The following CPA5 variants were observed in gnomAD, a reference collection of about 807,000 sequenced individuals.
CPA5 encodes testicular tissue protein Li 32.
In CPA5, 38 loss-of-function variants were observed where a neutral mutation model predicts 52.2. The ratio of observed to expected loss-of-function variants is 0.73; its 90% CI spans 0.56 to 0.95. CPA5 has a LOEUF of 0.95. Among genes scored for constraint, CPA5 ranks in the 40% least tolerant of loss-of-function variants. The pLI is 0.00. For missense variants in CPA5, 519 were observed against 566.7 expected, an observed-to-expected ratio of 0.92 and a Z score of 0.86; for synonymous variants, 198 against 213.7, an observed-to-expected ratio of 0.93 and a Z score of 0.64.
At chr7:130,347,135 G>A (rs904791141) in intron 3 of CPA5, among the ~76,000 whole-genome samples, 1 of 152,166 alleles carries the variant, frequency 6.6e-6, no homozygotes, top group Non-Finnish European at 1.5e-5. Flanking sequence ...TAGAGATGGG[G>A]TTCCTCACCC....
chr7:130,347,690 C>T (rs1408958272), intron 3 of CPA5, 76 bp from the exon 4 acceptor site: 18 of 1,288,694 alleles, frequency 1.4e-5, no homozygotes, highest in Non-Finnish European at 1.8e-5. Context: ...CTGCTCCACT[C>T]TGCCCCTTCC....
chr7:130,346,116 A>C (rs977454641), intron 2 of CPA5, among the ~76,000 whole-genome samples: 5 of 152,230 alleles, frequency 3.3e-5, no homozygotes, highest in Non-Finnish European at 5.9e-5. Context: ...GAAAGAGAAG[A>C]TGCTGTAGAG....
rs1795037512 is a variant in CPA5, at chr7:130,350,080, GC to G, written c.305del (p.Ala102ValfsTer5). 6.2e-7 allele frequency: 1 copy of G among 1,613,562 alleles called. No individual in the cohort carries two copies. The highest frequency in any genetic ancestry group is 8.5e-7 in the Non-Finnish European group (1 of 1,179,852). ...IKAYLESHGL[A>X]YSIMIKDIQV... ...AGCTTATCTGGAGTCTCATGGACTTGCTTACAGCATCATGATAAAGGACATC... is the reference window on the plus strand; with the variant it reads ...AGCTTATCTGGAGTCTCATGGACTTGTTACAGCATCATGATAAAGGACATC... On this transcript the variant is annotated frameshift_variant, in exon 5 of 13. Coordinates refer to ENST00000474905, the MANE Select transcript of CPA5 (RefSeq NM_080385.5). LOFTEE classifies it high-confidence loss of function.
At chr7:130,348,735 C>T (rs1382358270) in intron 4 of CPA5, among the ~76,000 whole-genome samples, 2 of 152,148 alleles carry the variant, frequency 1.3e-5, no homozygotes, top group Admixed American at 6.5e-5. Flanking sequence ...AACCTCAGTG[C>T]CTTGGGGATT....
chr7:130,367,843 T>TG (rs1432637043), intron 11 of CPA5, 63 bp from the exon 12 acceptor site: 10 of 1,369,406 alleles, frequency 7.3e-6, no homozygotes, highest in African/African-American at 1.4e-5. Context: ...CTGGTGAGGG[T>TG]GGGGGAGTGT....
At position 130,350,005 on chromosome 7, in the gene CPA5, A is replaced by G. The variant is rs1554403472; in HGVS notation, c.229A>G (p.Ser77Gly). The G allele has an allele frequency of 1.2e-6, 2 of 1,613,962 alleles. No homozygotes were observed. Among genetic ancestry groups the G allele is most frequent in the African/African-American group, 2.7e-5 (2 of 75,064 alleles). Residue 77 changes from serine to glycine, a missense_variant, in exon 5 of 13, where the codon AGC (serine) becomes GGC (glycine). Transcript: ENST00000474905. ...VDFWRGPARP[S>G]LPVDMRVPFS... ...CTTCTGGCGTGGCCCAGCCAGGCCC[A>G]GCCTCCCTGTGGATATGAGAGTTCC...
intron 10 of CPA5, among the ~76,000 whole-genome samples, chr7:130,364,904 G>C (rs1434975482): frequency 1.3e-5 from 2 of 152,194 alleles, no homozygotes; most frequent in African/African-American, 4.8e-5. Context: ...AGGACAATTT[G>C]ATGGGTCCAG....
chr7:130,347,874 A>AC (rs1794866744), intron 4 of CPA5, 27 bp downstream of exon 4: 1 of 1,573,292 alleles, frequency 6.4e-7, no homozygotes, highest in South Asian at 1.1e-5. Context: ...CTTGAGGACA[A>AC]CCCCACCCCC....
chr7:130,347,781 A>C lies in CPA5; in HGVS notation c.132A>C (p.Arg44=), dbSNP rs544315500. Residue 44 remains arginine (R), a synonymous_variant, in exon 4 of 13, where the codon CGA becomes CGC. Transcript: ENST00000474905. ...GTTTTTCTAGGGACCAGGTTCTTCGAGTCCTGGCCAAAGATGAGAAGCAGC... is the reference window on the plus strand; with the variant it reads ...GTTTTTCTAGGGACCAGGTTCTTCGCGTCCTGGCCAAAGATGAGAAGCAGC... ...QMNFTGDQVL[R]VLAKDEKQLS... 1 of 1,613,568 alleles carries C rather than the reference A, an allele frequency of 6.2e-7. No individual in the cohort carries two copies. The highest frequency in any genetic ancestry group is 2.2e-5 in the East Asian group (1 of 44,840).
At position 130,352,839 on chromosome 7, in the gene CPA5, G is replaced by GTT. The variant is rs1323770844; in HGVS notation, c.333+2740_333+2741dup. 3.2e-3 allele frequency among the ~76,000 whole-genome samples: 475 copies of GTT among 147,052 alleles called. 3 individuals are homozygous for GTT. The highest frequency in any genetic ancestry group is 0.011 in the African/African-American group (448 of 40,164). On this transcript the variant is annotated intron_variant, in intron 5 of 12. Transcript: ENST00000474905. ...TCACCTCGTTCTTTTCAGCCCTTTG[G>GTT]TTTTTTTTTTTATTTTTTCCCTAGG... is the stretch of plus-strand genomic sequence containing the variant.
chr7:130,352,136 G>T (rs1395536572), intron 5 of CPA5, among the ~76,000 whole-genome samples: 1 of 152,108 alleles, frequency 6.6e-6, no homozygotes, highest in Non-Finnish European at 1.5e-5. Flanking sequence ...GGAAAACCTC[G>T]ATGCTGGTTT....
chr7:130,367,728 T>A, intron 11 of CPA5, 157 bp downstream of exon 11: 1 of 861,014 alleles, frequency 1.2e-6, no homozygotes, highest in Non-Finnish European at 1.9e-6. Context: ...AGCTTGCTGT[T>A]CTCACGTGTG....
At chr7:130,348,244 C>T (rs553903243) in intron 4 of CPA5, among the ~76,000 whole-genome samples, 1 of 152,300 alleles carries the variant, frequency 6.6e-6, no homozygotes, top group East Asian at 1.9e-4. Flanking sequence ...CTTGGCAAAC[C>T]TGTATTTTAT....
chr7:130,371,570 T>G (rs1263708070), downstream of CPA5, among the ~76,000 whole-genome samples: 1 of 150,044 alleles, frequency 6.7e-6, no homozygotes, highest in Non-Finnish European at 1.5e-5. Flanking sequence ...CAGATGGAGG[T>G]CTTCTTTTTT....
rs1305113550 is a variant in CPA5, at chr7:130,368,069, C to T, written c.1123+79C>T. The T allele has an allele frequency of 5.9e-6, 8 of 1,352,756 alleles. No homozygotes were observed. In the African/African-American group the frequency reaches 7.2e-5, roughly 12 times the overall value. 83.8% of individuals were successfully genotyped at this position (1,352,756 alleles called of 1,614,324 possible). On this transcript the variant is annotated intron_variant, in intron 12 of 12. Coordinates refer to ENST00000474905, the MANE Select transcript of CPA5 (RefSeq NM_080385.5). Reference sequence around the variant, plus strand: ...CTGCAGGGCAGTGCCAAGGATCTAGCTGTGCTGGCCCAAAGCTGCCTCCCA... The same window carrying T: ...CTGCAGGGCAGTGCCAAGGATCTAGTTGTGCTGGCCCAAAGCTGCCTCCCA...
chr7:130,363,289 C>G, intron 9 of CPA5, 130 bp from the exon 10 acceptor site: 1 of 715,518 alleles, frequency 1.4e-6, no homozygotes, highest in Non-Finnish European at 2.4e-6. Context: ...CCATCCTGTC[C>G]TGGCAATTCC....
chr7:130,365,251 G>T (rs10265824), intron 10 of CPA5, among the ~76,000 whole-genome samples: 50,593 of 152,106 alleles, frequency 0.33, 8,601 homozygotes, highest in Admixed American at 0.43. Context: ...CAAATGAACA[G>T]ACGCTTGCCT....
intron 10 of CPA5, among the ~76,000 whole-genome samples, chr7:130,366,811 G>A (rs987305379): frequency 2.6e-5 from 4 of 152,184 alleles, no homozygotes; most frequent in Non-Finnish European, 5.9e-5. Flanking sequence ...GGGAAGCCAG[G>A]GTTGGGGCAG....
Position 130,347,784 on chromosome 7 carries a change from C to T in CPA5, c.135C>T (p.Val45=), listed in dbSNP as rs2117285179. ...MNFTGDQVLR[V]LAKDEKQLSL... Reference sequence around the variant, plus strand: ...TTTCTAGGGACCAGGTTCTTCGAGTCCTGGCCAAAGATGAGAAGCAGCTTT... The same window carrying T: ...TTTCTAGGGACCAGGTTCTTCGAGTTCTGGCCAAAGATGAGAAGCAGCTTT... The change falls in exon 4 of 13, where the codon GTC becomes GTT. Residue 45 remains valine, a synonymous_variant. Transcript: ENST00000474905. The T allele has an allele frequency of 6.2e-7, 1 of 1,614,054 alleles. No homozygotes were observed. Among genetic ancestry groups the T allele is most frequent in the Middle Eastern group, 1.6e-4 (1 of 6,062 alleles).
Sources: allele counts gnomAD v4.1 joint callset (sites outside exome capture counted in the v4.1 genomes callset), GRCh38; gene constraint gnomAD v4.1.1; transcripts MANE v1.5; gene names NCBI Gene and HGNC (gene_info 2026-07-23, HGNC 2026-07-21).